ERBB4: variants seen among roughly 807,000 people sequenced by gnomAD.
The protein encoded by ERBB4 is receptor tyrosine-protein kinase erbB-4.
ERBB4 carries 42 observed loss-of-function variants against 158.0 expected under a neutral mutation model. The observed-to-expected ratio is 0.27, with a 90% CI of 0.21 to 0.34. The LOEUF (loss-of-function observed/expected upper bound fraction) is 0.34. Among genes scored for constraint, ERBB4 ranks in the 10% least tolerant of loss-of-function variants. ERBB4 has a pLI of 1.00. For synonymous variants in ERBB4, 583 were observed against 558.7 expected (o/e 1.04, Z -0.61); for missense variants, 1,333 against 1,624.1 (o/e 0.82, Z 3.08).
intron 1 of ERBB4, among the ~76,000 whole-genome samples, chr2:212,188,793 T>G (rs527846586): frequency 2.0e-4 from 30 of 152,158 alleles, no homozygotes; most frequent in African/African-American, 7.2e-4. Flanking sequence ...GAATATTGTC[T>G]GACATAGTCT....
intron 20 of ERBB4, among the ~76,000 whole-genome samples, chr2:211,497,352 T>C (rs1461150776): frequency 6.6e-6 from 1 of 152,144 alleles, no homozygotes; most frequent in African/African-American, 2.4e-5. Context: ...TTACATTCTA[T>C]TCCTTCATAT....
At chr2:211,556,007 A>G (rs1025389499) in intron 20 of ERBB4, among the ~76,000 whole-genome samples, 2 of 152,220 alleles carry the variant, frequency 1.3e-5, no homozygotes, top group South Asian at 2.1e-4. Flanking sequence ...AAATGCCCCA[A>G]TTAAAGGCAC....
intron 1 of ERBB4, among the ~76,000 whole-genome samples, chr2:212,399,827 C>G (rs777494844): frequency 1.3e-5 from 2 of 151,454 alleles, no homozygotes; most frequent in African/African-American, 4.8e-5. Context: ...TGCAGTGAGC[C>G]GAGATCGTGC....
intron 2 of ERBB4, among the ~76,000 whole-genome samples, chr2:212,115,845 A>G (rs1159473193): frequency 1.3e-5 from 2 of 152,140 alleles, no homozygotes; most frequent in African/African-American, 4.8e-5. Flanking sequence ...AAGCCTATAA[A>G]TTCATTATAT....
chr2:212,101,838 T>G (rs2079092850), intron 2 of ERBB4, among the ~76,000 whole-genome samples: 1 of 151,822 alleles, frequency 6.6e-6, no homozygotes, highest in South Asian at 2.1e-4. Flanking sequence ...GGAAGCTTAT[T>G]CAGTGACCTT....
intron 1 of ERBB4, among the ~76,000 whole-genome samples, chr2:212,398,691 T>C (rs1462794199): frequency 1.3e-5 from 2 of 152,148 alleles, no homozygotes; most frequent in Non-Finnish European, 2.9e-5. Context: ...AGACAGTGCA[T>C]TTAAAAGAAG....
At chr2:211,868,097 A>G (rs2078254445) in intron 3 of ERBB4, among the ~76,000 whole-genome samples, 1 of 152,160 alleles carries the variant, frequency 6.6e-6, no homozygotes, top group Non-Finnish European at 1.5e-5. Context: ...TCTCTCTCTG[A>G]TTAGTGTTAT....
At chr2:211,617,544 G>T (rs1218094892) in intron 19 of ERBB4, among the ~76,000 whole-genome samples, 2 of 152,040 alleles carry the variant, frequency 1.3e-5, no homozygotes, top group African/African-American at 4.8e-5. Flanking sequence ...TATGCAACAA[G>T]GTGATATTTA....
intron 2 of ERBB4, among the ~76,000 whole-genome samples, chr2:212,057,421 C>G (rs1355919234): frequency 6.6e-6 from 1 of 152,132 alleles, no homozygotes; most frequent in Non-Finnish European, 1.5e-5. Flanking sequence ...AGCTCTGCAC[C>G]AAGTGGACCT....
At chr2:212,505,451 G>T (rs1691139768) in intron 1 of ERBB4, among the ~76,000 whole-genome samples, 1 of 149,526 alleles carries the variant, frequency 6.7e-6, no homozygotes. Context: ...GACACAATGA[G>T]GTCATATGTG....
rs2069737801 is a variant in ERBB4, at chr2:211,624,019, C to A, written c.2105G>T (p.Gly702Val). The stretch of plus-strand genomic sequence containing the variant: ...AAGTTGAGCTTGATTGGGTGCTGTG[C>A]CACTGGGAGTTAATGGTTCCACCAA... ...TELVEPLTPSGTAPNQAQLRI... is the reference protein window; with the variant it reads ...TELVEPLTPSVTAPNQAQLRI... The change falls in exon 18 of 28, where the codon GGC (glycine) becomes GTC (valine). Residue 702 changes from glycine (G) to valine (V), a missense_variant. By Grantham distance (109) the Gly-to-Val change is moderately radical. This residue lies in a region of ERBB4 where 314 missense variants were observed against 437.6 expected (regional missense o/e 0.72). Coordinates refer to ENST00000342788, the MANE Select transcript of ERBB4 (RefSeq NM_005235.3). 13 of 1,613,940 alleles carry A rather than the reference C, an allele frequency of 8.1e-6. No individual in the cohort carries two copies. Among genetic ancestry groups the A allele is most frequent in the Non-Finnish European group, 1.1e-5 (13 of 1,179,986 alleles).
chr2:211,611,048 C>G (rs12104855), intron 19 of ERBB4, among the ~76,000 whole-genome samples: 3,765 of 152,126 alleles, frequency 0.025, 177 homozygotes, highest in African/African-American at 0.086. Context: ...TTTAGGATCA[C>G]TACTAAATTC....
intron 25 of ERBB4, among the ~76,000 whole-genome samples, chr2:211,405,450 A>C (rs897891660): frequency 2.0e-5 from 3 of 152,064 alleles, no homozygotes; most frequent in African/African-American, 7.2e-5. Flanking sequence ...TGTTGGACAT[A>C]CCTTCCCCTA....
chr2:211,847,078 C>T (rs2077608619), intron 3 of ERBB4, among the ~76,000 whole-genome samples: 1 of 152,108 alleles, frequency 6.6e-6, no homozygotes, highest in Non-Finnish European at 1.5e-5. Context: ...GTAAGAGAAA[C>T]TTGGTCCATA....
intron 1 of ERBB4, among the ~76,000 whole-genome samples, chr2:212,154,550 G>C (rs1375141901): frequency 1.3e-5 from 2 of 152,122 alleles, no homozygotes; most frequent in Non-Finnish European, 2.9e-5. Flanking sequence ...GACATGTCTA[G>C]GCTAGTTACT....
chr2:212,495,350 T>C (rs555110454), intron 1 of ERBB4, among the ~76,000 whole-genome samples: 48 of 152,302 alleles, frequency 3.2e-4, no homozygotes, highest in Non-Finnish European at 6.0e-4. Flanking sequence ...AATCACTTAG[T>C]TGTGTCAGAG....
At chr2:211,990,089 C>T (rs1338334830) in intron 2 of ERBB4, among the ~76,000 whole-genome samples, 2 of 151,698 alleles carry the variant, frequency 1.3e-5, no homozygotes, top group Non-Finnish European at 2.9e-5. Flanking sequence ...TCATTAACCC[C>T]TTCCTGAATT....
At chr2:212,211,082 C>A (rs962490720) in intron 1 of ERBB4, among the ~76,000 whole-genome samples, 1 of 151,988 alleles carries the variant, frequency 6.6e-6, no homozygotes, top group African/African-American at 2.4e-5. Flanking sequence ...TCTCTTAGTC[C>A]CCACATTAAT....
chr2:212,075,155 G>T (rs1006178217), intron 2 of ERBB4, among the ~76,000 whole-genome samples: 5 of 151,830 alleles, frequency 3.3e-5, no homozygotes, highest in Admixed American at 1.3e-4. Flanking sequence ...AAATATAAAA[G>T]TGTTATACTC....
Sources: allele counts gnomAD v4.1 joint callset (sites outside exome capture counted in the v4.1 genomes callset), GRCh38; gene constraint gnomAD v4.1.1; regional missense constraint gnomAD v4.1.1; transcripts MANE v1.5; gene names NCBI Gene and HGNC (gene_info 2026-07-23, HGNC 2026-07-21).